Variants in ZFPM1 observed in about 807,000 individuals in gnomAD.
ZFPM1 encodes zinc finger protein, FOG family member 1.
Under a neutral mutation model 46.3 loss-of-function variants are expected in ZFPM1, and 28 were observed. The ratio of observed to expected loss-of-function variants is 0.60; its 90% CI spans 0.45 to 0.83. The LOEUF (loss-of-function observed/expected upper bound fraction) is 0.83. Among genes scored for constraint, ZFPM1 ranks in the 40% least tolerant of loss-of-function variants. The pLI is 0.00. For synonymous variants in ZFPM1, 957 were observed against 675.9 expected, an observed-to-expected ratio of 1.42 and a Z score of -6.45; for missense variants, 1,878 against 1,432.4, an observed-to-expected ratio of 1.31 and a Z score of -5.02.
At chr16:88,457,406 C>A (rs548008669) in intron 1 of ZFPM1, among the ~76,000 whole-genome samples, 1 of 152,222 alleles carries the variant, frequency 6.6e-6, no homozygotes, top group Admixed American at 6.5e-5. Flanking sequence ...AGTTACTGTG[C>A]TTTCCACAGC....
intron 1 of ZFPM1, among the ~76,000 whole-genome samples, chr16:88,462,119 G>A (rs1313298133): frequency 6.6e-6 from 1 of 152,188 alleles, no homozygotes; most frequent in Admixed American, 6.5e-5. Context: ...GCAGAGCCGC[G>A]TGAGCAGATA....
rs1044074353 is a variant in ZFPM1 at position 88,534,610 on chromosome 16, C to G, written c.2652C>G (p.Pro884=). Residue 884 remains proline, a synonymous_variant, in exon 10 of 10, where the codon CCC becomes CCG. Transcript: ENST00000319555. ...RLAHGLLLGA[P]LAGPGVEART... is the part of the protein sequence containing the mutation. ...CGCACGGCCTGCTGCTCGGCGCGCC[C>G]CTGGCCGGCCCGGGGGTCGAGGCCC... The G allele has an allele frequency of 8.7e-7, 1 of 1,155,618 alleles. No homozygotes were observed. Among genetic ancestry groups the G allele is most frequent in the Non-Finnish European group, 1.1e-6 (1 of 940,312 alleles). 71.6% of individuals were successfully genotyped at this position (1,155,618 alleles called of 1,614,324 possible).
At chr16:88,454,664 G>A (rs1393675913) in intron 1 of ZFPM1, among the ~76,000 whole-genome samples, 6 of 152,240 alleles carry the variant, frequency 3.9e-5, no homozygotes, top group Non-Finnish European at 8.8e-5. Flanking sequence ...TCTGGGCTGT[G>A]CCAGGAGGGA....
At chr16:88,479,453 A>G (rs1329176925) in intron 1 of ZFPM1, among the ~76,000 whole-genome samples, 4 of 151,988 alleles carry the variant, frequency 2.6e-5, no homozygotes, top group Middle Eastern at 3.4e-3. Context: ...GCCCTCTGCA[A>G]TGGCTCACCA....
At chr16:88,524,412 C>G (rs894346907) in intron 4 of ZFPM1, among the ~76,000 whole-genome samples, 1 of 152,208 alleles carries the variant, frequency 6.6e-6, no homozygotes, top group Non-Finnish European at 1.5e-5. Flanking sequence ...GCGTGCAGTT[C>G]CTGAGCCCTG....
Position 88,473,836 on chromosome 16 carries a change from T to A in ZFPM1, c.41-12103T>A, listed in dbSNP as rs1597234832. Among the ~76,000 whole-genome samples, 3 of 152,174 alleles carry A rather than the reference T, an allele frequency of 2.0e-5. No individual in the cohort carries two copies. The East Asian group carries it at 5.8e-4, about 29-fold the overall frequency. On this transcript the variant is annotated intron_variant, in intron 1 of 9. Coordinates refer to ENST00000319555, the MANE Select transcript of ZFPM1 (RefSeq NM_153813.3). ...CCATCCTCACCTTCACCCTGTGCGG[T>A]GGTCCTTGCCCGCCACGGCCCCACG... is the stretch of plus-strand genomic sequence containing the variant.
At chr16:88,507,148 G>A (rs1469230556) in intron 3 of ZFPM1, among the ~76,000 whole-genome samples, 1 of 152,194 alleles carries the variant, frequency 6.6e-6, no homozygotes, top group East Asian at 1.9e-4. Context: ...GCAGACATGG[G>A]TTTGCGATCA....
intron 1 of ZFPM1, among the ~76,000 whole-genome samples, chr16:88,473,426 G>C (rs2142357307): frequency 6.6e-6 from 1 of 152,354 alleles, no homozygotes; most frequent in African/African-American, 2.4e-5. Context: ...TTGAGGGCGG[G>C]GTGAGGTGAA....
chr16:88,472,605 G>A (rs1383997746), intron 1 of ZFPM1, among the ~76,000 whole-genome samples: 4 of 152,166 alleles, frequency 2.6e-5, no homozygotes, highest in African/African-American at 9.7e-5. Flanking sequence ...GCCCGCCTCA[G>A]CCTCCCAAAG....
chr16:88,503,607 C>T (rs1276739986), intron 3 of ZFPM1, among the ~76,000 whole-genome samples: 1 of 152,190 alleles, frequency 6.6e-6, no homozygotes, highest in Admixed American at 6.5e-5. Flanking sequence ...GGAGCCAGGT[C>T]CTCTCTGACC....
At chr16:88,530,481 G>A (rs1373110537) in intron 6 of ZFPM1, 1 of 152,222 alleles carries the variant, frequency 6.6e-6, no homozygotes, top group Admixed American at 6.5e-5. Flanking sequence ...GCCAGGGCAC[G>A]GCCGACGCTT....
At chr16:88,501,583 G>A in intron 3 of ZFPM1, among the ~76,000 whole-genome samples, 1 of 139,680 alleles carries the variant, frequency 7.2e-6, no homozygotes, top group Non-Finnish European at 1.6e-5. Context: ...AGCGGGTGTG[G>A]GTGCATGGGC....
Position 88,534,544 on chromosome 16 carries a change from C to G in ZFPM1, c.2586C>G (p.Asn862Lys). 7.3e-7 allele frequency: 1 copy of G among 1,367,946 alleles called. No individual in the cohort carries two copies. The highest frequency in any genetic ancestry group is 1.6e-5 in the South Asian group (1 of 64,430). The allele number at this position is 1,367,946 out of a possible 1,614,324, so 84.7% of individuals were successfully genotyped here. A position where few individuals can be genotyped will look rare whatever the true frequency, so the allele number is the denominator to read the frequency against. Residue 862 changes from asparagine to lysine, a missense_variant, in exon 10 of 10, where the codon AAC becomes AAG. By Grantham distance (94) the Asn-to-Lys change is moderately conservative. Coordinates refer to ENST00000319555, the MANE Select transcript of ZFPM1 (RefSeq NM_153813.3). The stretch of plus-strand genomic sequence containing the variant: ...CCGCCTGCCCCTACTGCCCCCCGAA[C>G]GGCCCGGTGCGCGGGGACCTGCTGG... ...PAAACPYCPP[N>K]GPVRGDLLEH...
intron 1 of ZFPM1, among the ~76,000 whole-genome samples, chr16:88,474,549 C>G (rs962987477): frequency 6.6e-6 from 1 of 152,240 alleles, no homozygotes; most frequent in Non-Finnish European, 1.5e-5. Flanking sequence ...CCTCCCATCC[C>G]TGGGCCGTGC....
At chr16:88,519,194 AG>A (rs1911613432) in intron 4 of ZFPM1, among the ~76,000 whole-genome samples, 1 of 119,400 alleles carries the variant, frequency 8.4e-6, no homozygotes, top group South Asian at 3.0e-4. Context: ...GGTGGATGGG[AG>A]GGTAAATGGG....
Position 88,526,919 on chromosome 16 carries a change from C to T in ZFPM1, c.505+3C>T, listed in dbSNP as rs533906121. On this transcript the variant is annotated splice_donor_region_variant and intron_variant, in intron 5 of 9. Coordinates refer to ENST00000319555, the MANE Select transcript of ZFPM1 (RefSeq NM_153813.3). ...CAACACAGAGATCCACAGGAAGGGT[C>T]AGTATGACGCGGCACCTCCGTCCCA... 1.9e-6 allele frequency: 3 copies of T among 1,565,038 alleles called. No individual in the cohort carries two copies. The highest frequency in any genetic ancestry group is 2.6e-6 in the Non-Finnish European group (3 of 1,154,406).
In ZFPM1 at chr16:88,529,668, A is replaced by C. The variant is rs192998511; in HGVS notation, c.712+1430A>C. On this transcript the variant is annotated intron_variant, in intron 6 of 9. Coordinates refer to ENST00000319555, the MANE Select transcript of ZFPM1 (RefSeq NM_153813.3). ...CGGAGAGTGAGCTGAGATAGGTTAG[A>C]GGGGGTCCTGGAGGGCGGCAGGTGG... is the stretch of plus-strand genomic sequence containing the variant. Among the ~76,000 whole-genome samples, 282 of 152,204 alleles carry C rather than the reference A, an allele frequency of 1.9e-3. 1 individual carries two copies. Among genetic ancestry groups the C allele is most frequent in the South Asian group, 5.8e-3 (28 of 4,826 alleles).
At chr16:88,479,415 T>A (rs1201390928) in intron 1 of ZFPM1, among the ~76,000 whole-genome samples, 2 of 152,008 alleles carry the variant, frequency 1.3e-5, no homozygotes, top group Non-Finnish European at 2.9e-5. Flanking sequence ...TGCTGTAGAC[T>A]CAACTCGGGT....
At chr16:88,458,965 T>C (rs114814528) in intron 1 of ZFPM1, among the ~76,000 whole-genome samples, 1,530 of 152,278 alleles carry the variant, frequency 0.01, 31 homozygotes, top group African/African-American at 0.036. Context: ...GATGACCCCA[T>C]GGGTGAGGGA....
Sources: gnomAD v4.1 joint callset for allele counts (sites outside exome capture counted in the v4.1 genomes callset) on GRCh38, gnomAD v4.1.1 for gene constraint, MANE v1.5 for transcripts, NCBI Gene and HGNC (gene_info 2026-07-23, HGNC 2026-07-21) for gene names.